LIMCH1: variants seen among roughly 807,000 people sequenced by gnomAD.
The protein encoded by LIMCH1 is LIM and calponin homology domains-containing protein 1.
In LIMCH1, 113 loss-of-function variants were observed where a neutral mutation model predicts 176.5. That is an observed-to-expected ratio of 0.64 (90% CI 0.55 to 0.75). The LOEUF (loss-of-function observed/expected upper bound fraction) is 0.75, where lower values mean the gene tolerates loss of function less well. Among genes scored for constraint, LIMCH1 ranks in the 30% least tolerant of loss-of-function variants. The pLI is 0.00. For missense variants in LIMCH1, 1,674 were observed against 1,814.9 expected (o/e 0.92, Z 1.41); for synonymous variants, 619 against 645.9 (o/e 0.96, Z 0.63).
chr4:41,584,676 T>G (rs1012537302), intron 1 of LIMCH1, among the ~76,000 whole-genome samples: 5 of 152,314 alleles, frequency 3.3e-5, no homozygotes, highest in Middle Eastern at 3.4e-3. Flanking sequence ...TTGCTGTTTT[T>G]TTTGTTTGTT....
chr4:41,634,130 C>T (rs2093462577), intron 13 of LIMCH1, among the ~76,000 whole-genome samples: 3 of 152,234 alleles, frequency 2.0e-5, no homozygotes, highest in Admixed American at 1.3e-4. Flanking sequence ...CTTGATTTCA[C>T]TTTGATTCCA....
chr4:41,548,298 G>A (rs1259661220), intron 1 of LIMCH1, among the ~76,000 whole-genome samples: 2 of 152,020 alleles, frequency 1.3e-5, no homozygotes, highest in Admixed American at 6.6e-5. Context: ...TGTAAAATGC[G>A]AGTGTTGAAC....
At chr4:41,453,663 G>A (rs899633989) in intron 1 of LIMCH1, 16 of 152,272 alleles carry the variant, frequency 1.1e-4, no homozygotes, top group African/African-American at 3.9e-4. Context: ...GTTCAAACCT[G>A]TGTTATTCAA....
intron 1 of LIMCH1, among the ~76,000 whole-genome samples, chr4:41,416,710 A>G (rs991951031): frequency 5.3e-5 from 8 of 151,992 alleles, no homozygotes; most frequent in African/African-American, 1.9e-4. Context: ...TTGTTAAATC[A>G]CTGATGCTAC....
chr4:41,439,688 A>G (rs2062491777), intron 1 of LIMCH1, among the ~76,000 whole-genome samples: 1 of 152,124 alleles, frequency 6.6e-6, no homozygotes, highest in African/African-American at 2.4e-5. Context: ...GCAGATCACG[A>G]GGTCAGGAGT....
chr4:41,604,824 T>A (rs887130575), intron 3 of LIMCH1, among the ~76,000 whole-genome samples: 1 of 152,020 alleles, frequency 6.6e-6, no homozygotes, highest in African/African-American at 2.4e-5. Flanking sequence ...TGAAGTAAAA[T>A]TTTCCCACAG....
intron 2 of LIMCH1, among the ~76,000 whole-genome samples, chr4:41,602,217 G>C (rs1465069492): frequency 6.6e-6 from 1 of 150,616 alleles, no homozygotes; most frequent in Non-Finnish European, 1.5e-5. Flanking sequence ...ATGGATGCCA[G>C]ACAACCTTGA....
intron 22 of LIMCH1, 34 bp downstream of exon 22, chr4:41,671,628 G>T (rs2095035734): frequency 1.4e-6 from 2 of 1,462,566 alleles, no homozygotes; most frequent in Non-Finnish European, 1.9e-6. Context: ...AAGATTATGA[G>T]TTAGTGTGAT....
chr4:41,642,744 T>C (rs1298623086), intron 14 of LIMCH1, among the ~76,000 whole-genome samples: 2 of 149,478 alleles, frequency 1.3e-5, no homozygotes, highest in Non-Finnish European at 3.0e-5. Flanking sequence ...TTTCTTTTTT[T>C]TTTTTTGTAT....
At chr4:41,441,127 G>A (rs1470416429) in intron 1 of LIMCH1, among the ~76,000 whole-genome samples, 1 of 152,132 alleles carries the variant, frequency 6.6e-6, no homozygotes. Flanking sequence ...AAAATGCCAT[G>A]TATTGCTAGG....
At chr4:41,435,843 C>A (rs185366702) in intron 1 of LIMCH1, among the ~76,000 whole-genome samples, 1 of 152,124 alleles carries the variant, frequency 6.6e-6, no homozygotes, top group African/African-American at 2.4e-5. Context: ...AGTAAGCTTT[C>A]GGTATCTCAA....
rs1246287163 is a variant in LIMCH1, at chr4:41,633,812, A to G, written c.2090+4A>G. 6 of 1,535,198 alleles carry G rather than the reference A, an allele frequency of 3.9e-6. No homozygotes were observed. Among genetic ancestry groups the G allele is most frequent in the Middle Eastern group, 1.7e-4 (1 of 6,012 alleles). On this transcript the variant is annotated splice_donor_region_variant and intron_variant, in intron 13 of 31. Transcript: ENST00000503057. Reference sequence around the variant, plus strand: ...GTCTACCCATGAAAGATCAGAGGTCAGAAAGTTATTCTGTGCCCTTGTGAC... The same window carrying G: ...GTCTACCCATGAAAGATCAGAGGTCGGAAAGTTATTCTGTGCCCTTGTGAC...
chr4:41,697,015 T>G, intron 31 of LIMCH1, 145 bp from the exon 32 acceptor site: 2 of 765,220 alleles, frequency 2.6e-6, no homozygotes, highest in South Asian at 3.3e-5. Context: ...GGGCCACACT[T>G]CAAGTAGCAG....
At chr4:41,612,619 A>C (rs539580901) in intron 4 of LIMCH1, 14 of 702,536 alleles carry the variant, frequency 2.0e-5, no homozygotes, top group African/African-American at 1.2e-4. Flanking sequence ...GATGGCTTTG[A>C]CTGACCTTTC....
intron 1 of LIMCH1, among the ~76,000 whole-genome samples, chr4:41,491,182 C>T (rs187358829): frequency 0.058 from 8,440 of 144,718 alleles, 257 homozygotes; most frequent in Non-Finnish European, 0.067. Flanking sequence ...AGAGGTGCTC[C>T]CCACATCCCA....
In LIMCH1 at chr4:41,442,620, G is replaced by A. The variant is rs2062823253; in HGVS notation, c.97-51916G>A. Among the ~76,000 whole-genome samples, 3 of 152,146 alleles carry A rather than the reference G, an allele frequency of 2.0e-5. No individual in the cohort carries two copies. In the South Asian group the frequency reaches 6.2e-4, roughly 32 times the overall value. On this transcript the variant is annotated intron_variant, in intron 1 of 26. Coordinates refer to the LIMCH1 transcript ENST00000313860. ...TGAAATCACCTGCATTTTTCAAACA[G>A]GTACTCTCTCTCCATTTTGGTTGAC...
At chr4:41,377,845 C>A (rs1040466786) in intron 1 of LIMCH1, among the ~76,000 whole-genome samples, 3 of 152,170 alleles carry the variant, frequency 2.0e-5, no homozygotes, top group Admixed American at 2.0e-4. Flanking sequence ...ATAACTGACC[C>A]ACTCCCTTGG....
At chr4:41,658,497 C>T (rs1159126988) in intron 18 of LIMCH1, among the ~76,000 whole-genome samples, 1 of 152,160 alleles carries the variant, frequency 6.6e-6, no homozygotes, top group Non-Finnish European at 1.5e-5. Context: ...TATGCTGGTA[C>T]AATAAGCCTT....
intron 4 of LIMCH1, among the ~76,000 whole-genome samples, chr4:41,611,324 A>G (rs7675819): frequency 0.72 from 108,926 of 152,098 alleles, 39,372 homozygotes; most frequent in East Asian, 0.86. Context: ...TGTGATGTTT[A>G]CACAACAATG....
Sources: gnomAD v4.1 joint callset for allele counts (sites outside exome capture counted in the v4.1 genomes callset) on GRCh38, gnomAD v4.1.1 for gene constraint, MANE v1.5 for transcripts, NCBI Gene and HGNC (gene_info 2026-07-23, HGNC 2026-07-21) for gene names.